TSPAN9: variants seen among roughly 807,000 people sequenced by gnomAD.
TSPAN9 encodes the protein tetraspanin 9.
In TSPAN9, 16 loss-of-function variants were observed where a neutral mutation model predicts 31.0. The ratio of observed to expected loss-of-function variants is 0.52; its 90% CI spans 0.35 to 0.78. The LOEUF is 0.78. TSPAN9 is among the 30% of genes least tolerant of loss of function. The probability of loss-of-function intolerance (pLI) is 0.01; values close to 1 mark genes in which losing one functional copy is unlikely to be tolerated. For missense variants in TSPAN9, 272 were observed against 312.5 expected (o/e 0.87, Z 0.98); for synonymous variants, 145 against 121.6 (o/e 1.19, Z -1.27).
intron 2 of TSPAN9, among the ~76,000 whole-genome samples, chr12:3,144,506 A>C (rs990722534): frequency 1.3e-5 from 2 of 152,212 alleles, no homozygotes; most frequent in African/African-American, 4.8e-5. Flanking sequence ...AGCAATGACC[A>C]GAAGCTAGAA....
intron 2 of TSPAN9, among the ~76,000 whole-genome samples, chr12:3,109,958 C>T (rs1019253202): frequency 2.0e-5 from 3 of 152,080 alleles, no homozygotes; most frequent in African/African-American, 7.2e-5. Context: ...ACCCTATGAG[C>T]ACCCCAGAAC....
chr12:3,215,616 A>G (rs1437617428), intron 3 of TSPAN9, among the ~76,000 whole-genome samples: 4 of 152,204 alleles, frequency 2.6e-5, no homozygotes, highest in African/African-American at 9.7e-5. Flanking sequence ...TCCACCAGGC[A>G]GCCCCAAGTC....
intron 3 of TSPAN9, among the ~76,000 whole-genome samples, chr12:3,202,813 T>G (rs1350944378): frequency 6.6e-6 from 1 of 152,204 alleles, no homozygotes; most frequent in Admixed American, 6.5e-5. Flanking sequence ...TTACCTGTCA[T>G]GTGCCTAGAG....
intron 2 of TSPAN9, among the ~76,000 whole-genome samples, chr12:3,142,822 A>G (rs1033771317): frequency 1.3e-5 from 2 of 152,220 alleles, no homozygotes; most frequent in Non-Finnish European, 2.9e-5. Flanking sequence ...TAACATTGGA[A>G]TAGCGTTATT....
intron 3 of TSPAN9, among the ~76,000 whole-genome samples, chr12:3,242,892 C>T (rs570434964): frequency 3.9e-5 from 6 of 152,340 alleles, no homozygotes; most frequent in African/African-American, 1.2e-4. Flanking sequence ...GGCTGCACCA[C>T]ACCTCACACG....
intron 3 of TSPAN9, among the ~76,000 whole-genome samples, chr12:3,223,857 C>CT (rs1273939273): frequency 6.6e-6 from 1 of 152,190 alleles, no homozygotes; most frequent in East Asian, 1.9e-4. Context: ...CCAGTCTTCT[C>CT]TGTCTGCATG....
At chr12:3,087,077 CAG>C (rs972219295) in intron 2 of TSPAN9, among the ~76,000 whole-genome samples, 12 of 152,204 alleles carry the variant, frequency 7.9e-5, no homozygotes, top group African/African-American at 2.4e-4. Context: ...AAGATTGAAA[CAG>C]GGTGCAGCCA....
intron 3 of TSPAN9, among the ~76,000 whole-genome samples, chr12:3,225,619 C>T (rs1335644976): frequency 6.6e-6 from 1 of 152,126 alleles, no homozygotes; most frequent in Non-Finnish European, 1.5e-5. Flanking sequence ...TGTACCCCTG[C>T]ACAGTGCCTG....
At chr12:3,090,716 C>T (rs773112426) in intron 2 of TSPAN9, among the ~76,000 whole-genome samples, 1 of 152,068 alleles carries the variant, frequency 6.6e-6, no homozygotes, top group Non-Finnish European at 1.5e-5. Context: ...GGGGAGGACG[C>T]GGACGTGCGA....
At chr12:3,268,173 A>ATTCCTGCAGCCTG (rs1183177021) in intron 3 of TSPAN9, among the ~76,000 whole-genome samples, 1 of 129,116 alleles carries the variant, frequency 7.7e-6, no homozygotes. Flanking sequence ...CCTGCAGCCT[A>ATTCCTGCAGCCTG]CCCTCCGTGC....
chr12:3,208,023 C>G (rs905349819), intron 3 of TSPAN9, among the ~76,000 whole-genome samples: 3 of 152,220 alleles, frequency 2.0e-5, no homozygotes, highest in Admixed American at 6.5e-5. Flanking sequence ...TAGGGCCGTG[C>G]TGAGGCCTGC....
intron 2 of TSPAN9, among the ~76,000 whole-genome samples, chr12:3,132,265 A>G (rs2098330140): frequency 6.6e-6 from 1 of 152,030 alleles, no homozygotes; most frequent in Non-Finnish European, 1.5e-5. Context: ...CCTGTTTGCA[A>G]TTCTTTTGAG....
chr12:3,124,763 A>G (rs2098326589), intron 2 of TSPAN9: 1 of 151,984 alleles, frequency 6.6e-6, no homozygotes, highest in Non-Finnish European at 1.5e-5. Flanking sequence ...ATTATATATA[A>G]TGACTCAAAA....
chr12:3,130,726 A>G (rs1282844158), intron 2 of TSPAN9, among the ~76,000 whole-genome samples: 1 of 152,220 alleles, frequency 6.6e-6, no homozygotes, highest in Non-Finnish European at 1.5e-5. Context: ...TAACCTACAC[A>G]AAACGCTTAG....
At position 3,083,697 on chromosome 12, in the gene TSPAN9, T is replaced by G. The variant is rs553908184; in HGVS notation, c.-40T>G. On this transcript the variant is annotated 5_prime_UTR_variant, in exon 2 of 9. Transcript: ENST00000011898. ...TTTGTTTGTCAGCAGCCAAGGTGTT[T>G]CCAGGAAGTTCAGAGAGAACAGGTC... is the stretch of plus-strand genomic sequence containing the variant. 6.6e-6 allele frequency: 1 copy of G among 152,382 alleles called. No homozygotes were observed. The highest frequency in any genetic ancestry group is 1.9e-4 in the East Asian group (1 of 5,182). The allele number at this position is 152,382 out of a possible 1,614,324, so 9.4% of individuals were successfully genotyped here. A position where few individuals can be genotyped will look rare whatever the true frequency, so the allele number is the denominator to read the frequency against.
chr12:3,182,612 A>G (rs1033955997), intron 2 of TSPAN9, among the ~76,000 whole-genome samples: 1 of 152,178 alleles, frequency 6.6e-6, no homozygotes, highest in Non-Finnish European at 1.5e-5. Flanking sequence ...CTCAGCAGGA[A>G]TACAACTGGC....
chr12:3,226,216 A>G (rs987054881), intron 3 of TSPAN9, among the ~76,000 whole-genome samples: 6 of 152,184 alleles, frequency 3.9e-5, no homozygotes, highest in South Asian at 2.1e-4. Context: ...GAAGGCAGAC[A>G]TTTTTTATCC....
At chr12:3,150,780 CA>C (rs1408379336) in intron 2 of TSPAN9, among the ~76,000 whole-genome samples, 1 of 152,134 alleles carries the variant, frequency 6.6e-6, no homozygotes, top group African/African-American at 2.4e-5. Context: ...GCCCCTTCTT[CA>C]CCCCACGCCT....
At chr12:3,234,415 G>T (rs1345903196) in intron 3 of TSPAN9, among the ~76,000 whole-genome samples, 1 of 152,018 alleles carries the variant, frequency 6.6e-6, no homozygotes, top group Non-Finnish European at 1.5e-5. Context: ...ACTCTTTCAT[G>T]ACCCCCTCCC....
Sources: gnomAD v4.1 joint callset for allele counts (sites outside exome capture counted in the v4.1 genomes callset) on GRCh38, gnomAD v4.1.1 for gene constraint, MANE v1.5 for transcripts, NCBI Gene and HGNC (gene_info 2026-07-23, HGNC 2026-07-21) for gene names.